PERM1: variants seen among roughly 807,000 people sequenced by gnomAD.
PERM1 encodes the protein PPARGC1 and ESRR induced regulator, muscle 1, also known as PGC-1 and ERR-induced regulator in muscle protein 1.
Under a neutral mutation model 44.1 loss-of-function variants are expected in PERM1, and 45 were observed. The observed-to-expected ratio is 1.02, with a 90% confidence interval of 0.80 to 1.31. The LOEUF is 1.31. Among genes scored for constraint, PERM1 ranks in the 50% most tolerant of loss-of-function variants. The pLI is 0.00. For missense variants in PERM1, 1,189 were observed against 1,106.9 expected (o/e 1.07, Z -1.05); for synonymous variants, 565 against 477.1 (o/e 1.18, Z -2.40).
At chr1:981,207 G>A (rs941651157), upstream of PERM1, 3 of 1,534,970 alleles carry the variant, frequency 2.0e-6, no homozygotes, top group East Asian at 2.5e-5. Context: ...CGAGGGGAGG[G>A]CCGCGCTTCC....
chr1:981,314 G>T, upstream of PERM1: 1 of 811,618 alleles, frequency 1.2e-6, no homozygotes, highest in Non-Finnish European at 1.9e-6. Flanking sequence ...GTGATGATGC[G>T]GTGTTACATT....
intron 1 of PERM1, 30 bp downstream of exon 2, chr1:978,851 G>A (rs1037204423): frequency 2.4e-5 from 35 of 1,445,954 alleles, no homozygotes; most frequent in Non-Finnish European, 3.1e-5. Context: ...CCTGGGATCT[G>A]GACGGGCTGT....
chr1:981,287 C>T (rs114724422), upstream of PERM1: 2,634 of 1,031,872 alleles, frequency 2.6e-3, 30 homozygotes, highest in African/African-American at 0.031. Context: ...TCCCAACGCA[C>T]CCCAAATGAT....
At chr1:976,464 T>G (rs1377135729) in intron 2 of PERM1, 35 bp downstream of exon 3, 1 of 1,549,316 alleles carries the variant, frequency 6.5e-7, no homozygotes, top group South Asian at 1.2e-5. Context: ...GTCTGGCTTC[T>G]AGGCGCAGCT....
chr1:978,864 G>A lies in PERM1; in HGVS notation c.2149+17C>T, dbSNP rs1014541432. The stretch of plus-strand genomic sequence containing the variant: ...TGCCTGGGATCTGGACGGGCTGTGG[G>A]ATCCGAGAGCACGTACCTGCCCGTC... On this transcript the variant is annotated intron_variant, in intron 1 of 2. Coordinates refer to ENST00000433179, the Ensembl canonical transcript of PERM1. The A allele has an allele frequency of 1.4e-6, 2 of 1,457,986 alleles. No individual in the cohort carries two copies. Among genetic ancestry groups the A allele is most frequent in the African/African-American group, 1.4e-5 (1 of 70,024 alleles). The allele number at this position is 1,457,986 out of a possible 1,614,324, so 90.3% of individuals were successfully genotyped here. A position where few individuals can be genotyped will look rare whatever the true frequency, so the allele number is the denominator to read the frequency against.
exon 1 of PERM1, chr1:980,433 A>G (rs1274671667): frequency 1.9e-6 from 3 of 1,547,086 alleles, no homozygotes; most frequent in Non-Finnish European, 2.6e-6. Flanking sequence ...GGGCAGAAGC[A>G]GAGGCTCCTG....
At chr1:976,742 C>T (rs1643627323) in intron 1 of PERM1, 118 bp from the exon 3 acceptor site, 1 of 761,338 alleles carries the variant, frequency 1.3e-6, no homozygotes, top group Non-Finnish European at 1.8e-6. Flanking sequence ...CTCCCACTCC[C>T]CCCGCCAACC....
chr1:978,755 A>G (rs1643694466), intron 1 of PERM1, 126 bp downstream of exon 2: 1 of 864,884 alleles, frequency 1.2e-6, no homozygotes. Context: ...GCTGGTCCCC[A>G]GGCTCCCCTG....
upstream of PERM1, chr1:981,283 C>T (rs560676040): frequency 4.8e-5 from 53 of 1,095,488 alleles, no homozygotes; most frequent in African/African-American, 7.2e-4. Context: ...TAGTTCCCAA[C>T]GCACCCCAAA....
exon 1 of PERM1, chr1:979,160 C>T: frequency 6.5e-7 from 1 of 1,550,066 alleles, no homozygotes; most frequent in Non-Finnish European, 8.7e-7. Flanking sequence ...CTCTGGGCTC[C>T]AACGTCTGGG....
chr1:980,033 G>T, exon 1 of PERM1: 1 of 1,548,976 alleles, frequency 6.5e-7, no homozygotes, highest in East Asian at 2.5e-5. Context: ...TCAGAGGCAG[G>T]TGTAGACACA....
chr1:975,615 T>C (rs1437689718), exon 3 of PERM1: 2 of 153,736 alleles, frequency 1.3e-5, no homozygotes, highest in African/African-American at 2.4e-5. Flanking sequence ...TCAAGAGTGA[T>C]GGGCCTTGGA....
chr1:979,220 C>T (rs768562358), exon 1 of PERM1: 23 of 1,550,000 alleles, frequency 1.5e-5, no homozygotes, highest in East Asian at 4.9e-5. Context: ...GGATCCTGAC[C>T]GGCCGCTGCC....
At chr1:978,754 C>G (rs978651719) in intron 1 of PERM1, 127 bp downstream of exon 2, 125 of 868,962 alleles carry the variant, frequency 1.4e-4, no homozygotes, top group Non-Finnish European at 2.0e-4. Flanking sequence ...GGCTGGTCCC[C>G]AGGCTCCCCT....
At chr1:980,655 G>A in exon 1 of PERM1, 1 of 1,435,950 alleles carries the variant, frequency 7.0e-7, no homozygotes, top group Non-Finnish European at 9.1e-7. Flanking sequence ...GGCAGGATGA[G>A]AACTGGCTGG....
At chr1:981,316 T>A, upstream of PERM1, 2 of 807,280 alleles carry the variant, frequency 2.5e-6, no homozygotes, top group Non-Finnish European at 3.8e-6. Context: ...GATGATGCGG[T>A]GTTACATTCC....
exon 1 of PERM1, chr1:980,455 C>A: frequency 2.6e-6 from 4 of 1,537,330 alleles, no homozygotes; most frequent in South Asian, 2.4e-5. Context: ...GTGCCCACCC[C>A]CCTTGGCACC....
chr1:975,830 AAAC>A (rs543381623), exon 3 of PERM1: 48 of 267,094 alleles, frequency 1.8e-4, no homozygotes, highest in East Asian at 9.1e-4. Flanking sequence ...GATTTCAGAT[AAAC>A]AACAACTTCT....
chr1:976,330 A>C lies in PERM1; in HGVS notation c.2276-61T>G, dbSNP rs571946676. The C allele has an allele frequency of 6.6e-5, 97 of 1,467,694 alleles. No homozygotes were observed. The East Asian group carries it at 2.3e-3, about 35-fold the overall frequency. 90.9% of individuals were successfully genotyped at this position (1,467,694 alleles called of 1,614,324 possible). The stretch of plus-strand genomic sequence containing the variant: ...CTGGCTGTCGGCACCGTCTGCCCGC[A>C]AGACCCAGCCCTCAAAGGGCGGGCA... On this transcript the variant is annotated intron_variant, in intron 2 of 2. Coordinates refer to ENST00000433179, the Ensembl canonical transcript of PERM1.
Sources: allele counts gnomAD v4.1 joint callset, GRCh38; gene constraint gnomAD v4.1.1; transcripts MANE v1.5; gene names NCBI Gene and HGNC (gene_info 2026-07-23, HGNC 2026-07-21).